The following PTPRT variants were observed in gnomAD, a reference collection of about 807,000 sequenced individuals.
The protein encoded by PTPRT is receptor-type tyrosine-protein phosphatase T.
PTPRT carries 56 observed loss-of-function variants against 176.8 expected under a neutral mutation model. The observed-to-expected ratio is 0.32, with a 90% CI of 0.26 to 0.40. PTPRT has a LOEUF of 0.40. Ranked by LOEUF, PTPRT falls within the 10% of genes least tolerant of loss-of-function variation. PTPRT has a pLI of 1.00. For missense variants in PTPRT, 1,540 were observed against 1,908.2 expected (o/e 0.81, Z 3.60); for synonymous variants, 783 against 739.0 (o/e 1.06, Z -0.96).
chr20:42,847,029 C>G (rs2145745810), intron 2 of PTPRT, among the ~76,000 whole-genome samples: 1 of 152,304 alleles, frequency 6.6e-6, no homozygotes, highest in South Asian at 2.1e-4. Context: ...GTGATAATAA[C>G]AGTCTCCTTG....
intron 5 of PTPRT, among the ~76,000 whole-genome samples, chr20:42,768,247 C>A (rs1203883609): frequency 6.6e-6 from 1 of 152,122 alleles, no homozygotes; most frequent in South Asian, 2.1e-4. Flanking sequence ...GTTTCAAGTG[C>A]CCCAGGATGG....
chr20:43,136,435 T>A (rs147993222), intron 1 of PTPRT, among the ~76,000 whole-genome samples: 1 of 152,248 alleles, frequency 6.6e-6, no homozygotes, highest in Non-Finnish European at 1.5e-5. Context: ...CTTTCTTGAT[T>A]TCTGGCCTTC....
At chr20:42,209,453 G>A (rs999887650) in intron 15 of PTPRT, among the ~76,000 whole-genome samples, 8 of 151,996 alleles carry the variant, frequency 5.3e-5, no homozygotes, top group Non-Finnish European at 1.2e-4. Flanking sequence ...AATAAAAAAT[G>A]ATAAAGGGGA....
At chr20:43,151,770 G>T (rs1377887570) in intron 1 of PTPRT, among the ~76,000 whole-genome samples, 1 of 152,046 alleles carries the variant, frequency 6.6e-6, no homozygotes, top group South Asian at 2.1e-4. Flanking sequence ...GGCTGAGGTA[G>T]GAGTATCACT....
chr20:42,541,376 G>A (rs564685510), intron 7 of PTPRT, among the ~76,000 whole-genome samples: 21 of 151,988 alleles, frequency 1.4e-4, no homozygotes, highest in Non-Finnish European at 2.8e-4. Context: ...TATAATTCCA[G>A]TATGCTAGTA....
chr20:42,187,980 A>C (rs1298188156), intron 16 of PTPRT, among the ~76,000 whole-genome samples: 1 of 152,214 alleles, frequency 6.6e-6, no homozygotes, highest in Non-Finnish European at 1.5e-5. Flanking sequence ...CAAAGTCTCC[A>C]ATCACATTGT....
chr20:42,213,475 T>C lies in PTPRT; in HGVS notation c.2343-14087A>G, dbSNP rs1422769481. On this transcript the variant is annotated intron_variant, in intron 15 of 30. Transcript: ENST00000373187. ...TTAAAATGATTGTTATGGATTGAAC[T>C]GTGTTCCACTCACCCACTCTCTGGC... 2.6e-5 allele frequency among the ~76,000 whole-genome samples: 4 copies of C among 152,222 alleles called. No individual in the cohort carries two copies. In the East Asian group the frequency reaches 7.7e-4, roughly 29 times the overall value.
chr20:42,512,305 C>T (rs77064474), intron 7 of PTPRT, among the ~76,000 whole-genome samples: 4,100 of 152,138 alleles, frequency 0.027, 85 homozygotes, highest in South Asian at 0.073. Context: ...TCCCACACAA[C>T]TCCTAACCCC....
chr20:43,129,613 C>CTTTTT lies in PTPRT; in HGVS notation c.88+60028_88+60032dup, dbSNP rs869293740. Among the ~76,000 whole-genome samples the CTTTTT allele has an allele frequency of 8.0e-3, 696 of 87,264 alleles. 16 individuals carry two copies. Among genetic ancestry groups the CTTTTT allele is most frequent in the East Asian group, 0.017 (39 of 2,310 alleles). 57.2% of individuals were successfully genotyped at this position (87,264 alleles called of 152,430 possible). ...CTCCCCTCCCCGACTCCAAAGAGTT[C>CTTTTT]TTTTTTTTTTTTTTTTTTTTTTTGA... On this transcript the variant is annotated intron_variant, in intron 1 of 30. Coordinates refer to ENST00000373187, the MANE Select transcript of PTPRT (RefSeq NM_007050.6).
intron 7 of PTPRT, among the ~76,000 whole-genome samples, chr20:42,661,012 C>T (rs1195365982): frequency 2.0e-5 from 3 of 151,976 alleles, no homozygotes; most frequent in African/African-American, 4.8e-5. Context: ...CCACCACGCC[C>T]GTCTAATTTT....
At chr20:42,808,678 T>C (rs1164951820) in intron 2 of PTPRT, among the ~76,000 whole-genome samples, 7 of 152,206 alleles carry the variant, frequency 4.6e-5, no homozygotes, top group Admixed American at 1.3e-4. Flanking sequence ...AAACAGGAGC[T>C]AATCTGGATG....
chr20:42,664,699 G>C (rs2075283036), intron 7 of PTPRT, among the ~76,000 whole-genome samples: 1 of 151,984 alleles, frequency 6.6e-6, no homozygotes, highest in Admixed American at 6.6e-5. Context: ...GAACTCCTGG[G>C]CTCAAGTGAT....
At chr20:42,594,910 C>T (rs1041574740) in intron 7 of PTPRT, among the ~76,000 whole-genome samples, 2 of 152,136 alleles carry the variant, frequency 1.3e-5, no homozygotes, top group Admixed American at 1.3e-4. Context: ...CGTGGGAACC[C>T]TGACAAACAG....
At chr20:42,546,515 G>A (rs141144454) in intron 7 of PTPRT, among the ~76,000 whole-genome samples, 112 of 152,086 alleles carry the variant, frequency 7.4e-4, no homozygotes, top group South Asian at 2.7e-3. Flanking sequence ...AAGAAATACG[G>A]AGTCCTTCTC....
At chr20:42,146,946 C>T (rs182393184) in intron 17 of PTPRT, among the ~76,000 whole-genome samples, 99 of 152,296 alleles carry the variant, frequency 6.5e-4, no homozygotes, top group African/African-American at 2.3e-3. Context: ...GTCTGACAAA[C>T]TCCTACATGT....
At chr20:42,839,822 T>A (rs1476217315) in intron 2 of PTPRT, among the ~76,000 whole-genome samples, 1 of 152,192 alleles carries the variant, frequency 6.6e-6, no homozygotes, top group Admixed American at 6.5e-5. Context: ...TTAAATCACC[T>A]GAAGAGCTTT....
intron 1 of PTPRT, among the ~76,000 whole-genome samples, chr20:43,029,491 C>G (rs1419732616): frequency 1.3e-5 from 2 of 152,196 alleles, no homozygotes; most frequent in Non-Finnish European, 2.9e-5. Context: ...CCTTCAATGG[C>G]CATGCATCCT....
chr20:42,947,949 G>A (rs1040124192), intron 1 of PTPRT, among the ~76,000 whole-genome samples: 1 of 152,162 alleles, frequency 6.6e-6, no homozygotes, highest in Non-Finnish European at 1.5e-5. Context: ...CTAGAACAGT[G>A]CCTGGCACAC....
intron 13 of PTPRT, among the ~76,000 whole-genome samples, chr20:42,274,378 G>A (rs2056990305): frequency 6.6e-6 from 1 of 152,162 alleles, no homozygotes; most frequent in Non-Finnish European, 1.5e-5. Flanking sequence ...TGGGAGTTGG[G>A]TATTAGCTTG....
Sources: allele counts gnomAD v4.1 joint callset (sites outside exome capture counted in the v4.1 genomes callset), GRCh38; gene constraint gnomAD v4.1.1; transcripts MANE v1.5; gene names NCBI Gene and HGNC (gene_info 2026-07-23, HGNC 2026-07-21).